The following IPO9 variants were observed in gnomAD, a reference collection of about 807,000 sequenced individuals.
IPO9 encodes the protein importin 9.
In IPO9, 28 loss-of-function variants were observed where a neutral mutation model predicts 128.6. The observed-to-expected ratio is 0.22, with a 90% confidence interval of 0.16 to 0.30. The LOEUF is 0.30. Ranked by LOEUF, IPO9 falls within the 10% of genes least tolerant of loss-of-function variation. The pLI is 1.00. For synonymous variants in IPO9, 455 were observed against 475.8 expected (o/e 0.96, Z 0.57); for missense variants, 935 against 1,293.9 (o/e 0.72, Z 4.26).
rs988744895 is a variant in IPO9, at chr1:201,883,394, A to C, written c.*7340A>C. ...CCAAAAGATAAGTAGGGGACAAAAAAGTCCACGGGGCCTATGAGCGGTGAG... is the reference window on the plus strand; with the variant it reads ...CCAAAAGATAAGTAGGGGACAAAAACGTCCACGGGGCCTATGAGCGGTGAG... On this transcript the variant is annotated 3_prime_UTR_variant, in exon 24 of 24. Coordinates refer to ENST00000361565, the MANE Select transcript of IPO9 (RefSeq NM_018085.5). 1.2e-4 allele frequency: 18 copies of C among 152,204 alleles called. No homozygotes were observed. The highest frequency in any genetic ancestry group is 4.6e-4 in the Admixed American group (7 of 15,276). The allele number at this position is 152,204 out of a possible 1,614,324, so 9.4% of individuals were successfully genotyped here. A position where few individuals can be genotyped will look rare whatever the true frequency, so the allele number is the denominator to read the frequency against.
chr1:201,876,977 A>T lies in IPO9; in HGVS notation c.*923A>T, dbSNP rs150409945. 417 of 152,774 alleles carry T rather than the reference A, an allele frequency of 2.7e-3. 1 individual carries two copies. The highest frequency in any genetic ancestry group is 4.6e-3 in the Non-Finnish European group (312 of 68,042). 9.5% of individuals were successfully genotyped at this position (152,774 alleles called of 1,614,324 possible). A position where few individuals can be genotyped will look rare whatever the true frequency, so the allele number is the denominator to read the frequency against. ...TTACAAATGAATTTAGTTGCATGGT[A>T]TAAGGTGTCTCAGCACCTGTTTGCC... On this transcript the variant is annotated 3_prime_UTR_variant, in exon 24 of 24. Coordinates refer to ENST00000361565, the MANE Select transcript of IPO9 (RefSeq NM_018085.5).
Position 201,856,001 on chromosome 1 carries a change from C to A in IPO9, c.1122+67C>A, listed in dbSNP as rs544275487. 79 of 1,201,194 alleles carry A rather than the reference C, an allele frequency of 6.6e-5. No homozygotes were observed. The African/African-American group carries it at 9.6e-4, about 15-fold the overall frequency. 74.4% of individuals were successfully genotyped at this position (1,201,194 alleles called of 1,614,324 possible). ...AAGTGCAACTTGAAGAATATGAGGTCTTGGTCAGGTGAACACTTTATTTCT... is the reference window on the plus strand; with the variant it reads ...AAGTGCAACTTGAAGAATATGAGGTATTGGTCAGGTGAACACTTTATTTCT... On this transcript the variant is annotated intron_variant, in intron 10 of 23. Coordinates refer to ENST00000361565, the MANE Select transcript of IPO9 (RefSeq NM_018085.5).
In IPO9 at chr1:201,847,329, G is replaced by C; in HGVS notation, c.214G>C (p.Ala72Pro). The C allele has an allele frequency of 6.2e-7, 1 of 1,613,780 alleles. No individual in the cohort carries two copies. The highest frequency in any genetic ancestry group is 8.5e-7 in the Non-Finnish European group (1 of 1,179,730). Residue 72 changes from alanine to proline, a missense_variant, in exon 2 of 24, where the codon GCA (alanine) becomes CCA (proline). By Grantham distance (27) the Ala-to-Pro change is conservative. Transcript: ENST00000361565. ...GACTGTAGATCCCCAGGGGGCACTG[G>C]CAATCCGTCAGGTAAGTCCAGACTG... is the stretch of plus-strand genomic sequence containing the variant. ...ELTVDPQGAL[A>P]IRQLASVILK...
intron 14 of IPO9, 151 bp downstream of exon 14, chr1:201,863,758 G>A (rs1680499778): frequency 1.5e-6 from 1 of 645,978 alleles, no homozygotes; most frequent in South Asian, 4.1e-5. Context: ...AAGAAACCAT[G>A]CTAGAGACAT....
intron 5 of IPO9, among the ~76,000 whole-genome samples, chr1:201,852,430 A>G (rs1167525470): frequency 6.6e-6 from 1 of 152,236 alleles, no homozygotes; most frequent in Non-Finnish European, 1.5e-5. Flanking sequence ...CCTGGCATCC[A>G]GTAGCCCCTA....
chr1:201,841,074 C>G (rs1290613881), intron 1 of IPO9, among the ~76,000 whole-genome samples: 1 of 151,990 alleles, frequency 6.6e-6, no homozygotes, highest in Non-Finnish European at 1.5e-5. Flanking sequence ...AAATTAAAAT[C>G]AAACAATAGG....
intron 19 of IPO9, among the ~76,000 whole-genome samples, chr1:201,871,650 C>T (rs574106998): frequency 6.6e-6 from 1 of 152,232 alleles, no homozygotes; most frequent in East Asian, 1.9e-4. Flanking sequence ...ACTTCGGCCT[C>T]CCACAGTGCT....
Position 201,855,105 on chromosome 1 carries a change from T to C in IPO9, c.912-19T>C. 6.5e-7 allele frequency: 1 copy of C among 1,530,208 alleles called. No homozygotes were observed. The highest frequency in any genetic ancestry group is 2.3e-5 in the East Asian group (1 of 44,422). 94.8% of individuals were successfully genotyped at this position (1,530,208 alleles called of 1,614,324 possible). A position where few individuals can be genotyped will look rare whatever the true frequency, so the allele number is the denominator to read the frequency against. ...TGTAAAGCAGACTCCAAATTCTATT[T>C]CTTTACTCTTCATCATACTTATGTG... On this transcript the variant is annotated intron_variant, in intron 8 of 23. Transcript: ENST00000361565.
At chr1:201,862,375 T>C (rs1449200236) in intron 13 of IPO9, among the ~76,000 whole-genome samples, 1 of 151,490 alleles carries the variant, frequency 6.6e-6, no homozygotes, top group Non-Finnish European at 1.5e-5. Context: ...GGAGAATCGC[T>C]CGAACCCGGG....
At chr1:201,849,507 ATC>A (rs777794612) in intron 4 of IPO9, among the ~76,000 whole-genome samples, 8 of 152,180 alleles carry the variant, frequency 5.3e-5, no homozygotes, top group Non-Finnish European at 1.0e-4. Flanking sequence ...CCAATATCTT[ATC>A]TCTTTTTCTA....
rs1267498516 is a variant in IPO9 at position 201,875,994 on chromosome 1, A to T, written c.3066A>T (p.Ile1022=). The stretch of plus-strand genomic sequence containing the variant: ...AGTTTGCTCAGCAGCCCTGCTACAT[A>T]ATGTTTTCAGGCCACCTTAATGACA... ...LCQFAQQPCY[I]MFSGHLNDNE... The change falls in exon 24 of 24, where the codon ATA becomes ATT. Residue 1022 remains isoleucine, a synonymous_variant. Coordinates refer to ENST00000361565, the MANE Select transcript of IPO9 (RefSeq NM_018085.5). 1 of 1,613,922 alleles carries T rather than the reference A, an allele frequency of 6.2e-7. No individual in the cohort carries two copies. Among genetic ancestry groups the T allele is most frequent in the Non-Finnish European group, 8.5e-7 (1 of 1,179,892 alleles).
chr1:201,847,494 T>G (rs1680143790), intron 2 of IPO9, 58 bp from the exon 3 acceptor site: 1 of 1,483,102 alleles, frequency 6.7e-7, no homozygotes, highest in Non-Finnish European at 9.4e-7. Context: ...TGTATATAGT[T>G]TTTATGTGTG....
chr1:201,840,016 A>G (rs1037327201), intron 1 of IPO9, among the ~76,000 whole-genome samples: 4 of 152,202 alleles, frequency 2.6e-5, no homozygotes, highest in African/African-American at 9.7e-5. Context: ...GTTTAAACTC[A>G]CTTGTGGTTA....
In IPO9 at chr1:201,884,278, T is replaced by A. The variant is rs1370541331; in HGVS notation, c.*8224T>A. The A allele has an allele frequency of 6.6e-6, 1 of 152,250 alleles. No individual in the cohort carries two copies. Among genetic ancestry groups the A allele is most frequent in the Non-Finnish European group, 1.5e-5 (1 of 68,040 alleles). 9.4% of individuals were successfully genotyped at this position (152,250 alleles called of 1,614,324 possible). On this transcript the variant is annotated 3_prime_UTR_variant, in exon 24 of 24. Coordinates refer to ENST00000361565, the MANE Select transcript of IPO9 (RefSeq NM_018085.5). ...AGTGATTGTGAGGATTAAATAAAGT[T>A]AATATAACACAAAGCACTTCGTAGT...
At chr1:201,872,718 A>T in intron 19 of IPO9, 110 bp from the exon 20 acceptor site, 1 of 1,251,910 alleles carries the variant, frequency 8.0e-7, no homozygotes, top group Non-Finnish European at 1.1e-6. Context: ...ATTAGTTGTT[A>T]ACGGAATTTT....
intron 14 of IPO9, among the ~76,000 whole-genome samples, chr1:201,864,114 ATTG>A (rs2102884730): frequency 6.6e-6 from 1 of 152,332 alleles, no homozygotes; most frequent in East Asian, 1.9e-4. Flanking sequence ...TAGAAGGACC[ATTG>A]TTGTTTTAAG....
chr1:201,844,883 T>C (rs1453052554), intron 1 of IPO9, among the ~76,000 whole-genome samples: 1 of 152,184 alleles, frequency 6.6e-6, no homozygotes, highest in African/African-American at 2.4e-5. Context: ...TGATAGACAA[T>C]AAAAAATAAT....
intron 20 of IPO9, among the ~76,000 whole-genome samples, chr1:201,873,747 G>A (rs183271877): frequency 1.3e-3 from 194 of 151,474 alleles, no homozygotes; most frequent in Non-Finnish European, 2.1e-3. Context: ...AACTCTGTCT[G>A]AAGAAAAAAA....
At chr1:201,847,478 A>C (rs887200430) in intron 2 of IPO9, 74 bp from the exon 3 acceptor site, 6 of 1,378,110 alleles carry the variant, frequency 4.4e-6, no homozygotes, top group Admixed American at 1.7e-5. Flanking sequence ...CAGATGTATC[A>C]GGCTATGTAT....
Sources: allele counts gnomAD v4.1 joint callset (sites outside exome capture counted in the v4.1 genomes callset), GRCh38; gene constraint gnomAD v4.1.1; transcripts MANE v1.5; gene names NCBI Gene and HGNC (gene_info 2026-07-23, HGNC 2026-07-21).